Variants in PCBP3 observed in about 807,000 individuals in gnomAD.
PCBP3 encodes the protein poly(rC) binding protein 3, also known as poly(rC)-binding protein 3.
In PCBP3, 25 loss-of-function variants were observed where a neutral mutation model predicts 52.7. The observed-to-expected ratio is 0.47, with a 90% confidence interval of 0.35 to 0.66. The LOEUF (loss-of-function observed/expected upper bound fraction) is 0.66, where lower values mean the gene tolerates loss of function less well. PCBP3 is among the 30% of genes least tolerant of loss of function. PCBP3 has a pLI of 0.01. For synonymous variants in PCBP3, 162 were observed against 183.0 expected (o/e 0.89, Z 0.93); for missense variants, 391 against 490.3 (o/e 0.80, Z 1.91).
intron 5 of PCBP3, among the ~76,000 whole-genome samples, chr21:45,866,844 C>T (rs1432994367): frequency 6.6e-6 from 1 of 152,174 alleles, no homozygotes; most frequent in Non-Finnish European, 1.5e-5. Flanking sequence ...GCATGTGCAC[C>T]GTCACGGAGA....
chr21:45,783,178 G>A (rs1249556834), intron 4 of PCBP3, among the ~76,000 whole-genome samples: 2 of 152,160 alleles, frequency 1.3e-5, no homozygotes, highest in Admixed American at 6.5e-5. Flanking sequence ...TATGGTTTTG[G>A]TTTTAATTTG....
chr21:45,917,357 C>T lies in PCBP3; in HGVS notation c.676-231C>T, dbSNP rs552645785. On this transcript the variant is annotated intron_variant, in intron 12 of 17. Coordinates refer to ENST00000681687, the MANE Select transcript of PCBP3 (RefSeq NM_001384156.1). The surrounding 1 kb of genome is among the most constrained non-coding windows in gnomAD (Gnocchi z 5.3). Reference sequence around the variant, plus strand: ...AAGGCTGAACTGTTTCCCTCCCACCCGCTGAACTGGCCAGCTCAGCTCTGC... The same window carrying T: ...AAGGCTGAACTGTTTCCCTCCCACCTGCTGAACTGGCCAGCTCAGCTCTGC... The T allele has an allele frequency of 9.9e-5, 40 of 404,574 alleles. No individual in the cohort carries two copies. The highest frequency in any genetic ancestry group is 6.2e-4 in the African/African-American group (30 of 48,672). 25.1% of individuals were successfully genotyped at this position (404,574 alleles called of 1,614,324 possible). A position where few individuals can be genotyped will look rare whatever the true frequency, so the allele number is the denominator to read the frequency against.
chr21:45,708,108 C>T (rs1020899722), intron 2 of PCBP3, among the ~76,000 whole-genome samples: 3 of 152,204 alleles, frequency 2.0e-5, no homozygotes, highest in Admixed American at 6.5e-5. Context: ...GCATACCCTA[C>T]TTCCCTCCTT....
chr21:45,766,079 C>T (rs1187230041), intron 4 of PCBP3, among the ~76,000 whole-genome samples: 1 of 152,176 alleles, frequency 6.6e-6, no homozygotes, highest in Admixed American at 6.5e-5. Flanking sequence ...GTGGGACTGA[C>T]GTGGGTCCGT....
intron 4 of PCBP3, among the ~76,000 whole-genome samples, chr21:45,781,982 T>C (rs1471610893): frequency 1.3e-5 from 2 of 152,220 alleles, no homozygotes; most frequent in East Asian, 3.8e-4. Flanking sequence ...ATCATAACTC[T>C]CAAGATTCGT....
Position 45,645,110 on chromosome 21 carries a change from T to C in PCBP3, c.-279+1242T>C, listed in dbSNP as rs944259505. 2.0e-4 allele frequency among the ~76,000 whole-genome samples: 30 copies of C among 152,340 alleles called. No homozygotes were observed. In the East Asian group the frequency reaches 2.1e-3, roughly 11 times the overall value. ...ATTTGCAAGATCTGAAAGGACCTAATTGATCATCACACGACAGAAGCAGAA... is the reference window on the plus strand; with the variant it reads ...ATTTGCAAGATCTGAAAGGACCTAACTGATCATCACACGACAGAAGCAGAA... On this transcript the variant is annotated intron_variant, in intron 1 of 17. Coordinates refer to ENST00000681687, the MANE Select transcript of PCBP3 (RefSeq NM_001384156.1).
At chr21:45,756,106 C>G (rs543516230) in intron 4 of PCBP3, among the ~76,000 whole-genome samples, 1 of 152,256 alleles carries the variant, frequency 6.6e-6, no homozygotes, top group East Asian at 1.9e-4. Flanking sequence ...CATTTTGAGC[C>G]ACTTTAAGAA....
rs2096154977 is a variant in PCBP3 at position 45,904,723 on chromosome 21, C to T, written c.339+3610C>T. Among the ~76,000 whole-genome samples the T allele has an allele frequency of 6.6e-6, 1 of 152,190 alleles. No individual in the cohort carries two copies. The highest frequency in any genetic ancestry group is 1.5e-5 in the Non-Finnish European group (1 of 68,034). On this transcript the variant is annotated intron_variant, in intron 9 of 17. Transcript: ENST00000681687. The surrounding 1 kb of genome is among the most constrained non-coding windows in gnomAD (Gnocchi z 4.8). ...CACACACATAACAGCGAAAGTATTT[C>T]CAGTCCCAAGTGAACACTGGTTAAA...
At chr21:45,834,899 C>T (rs1569288323) in intron 4 of PCBP3, among the ~76,000 whole-genome samples, 3 of 152,208 alleles carry the variant, frequency 2.0e-5, no homozygotes, top group Admixed American at 6.5e-5. Context: ...GGGAGGCCTG[C>T]GGCAGCAGGA....
chr21:45,855,113 C>T (rs532910515), intron 5 of PCBP3, among the ~76,000 whole-genome samples: 1 of 152,168 alleles, frequency 6.6e-6, no homozygotes, highest in Admixed American at 6.5e-5. Context: ...GGCTCCACCA[C>T]GGAGGGAGGG....
chr21:45,668,580 G>A lies in PCBP3; in HGVS notation c.-278-294G>A, dbSNP rs1042978632. 5.3e-5 allele frequency among the ~76,000 whole-genome samples: 8 copies of A among 152,054 alleles called. No homozygotes were observed. The East Asian group carries it at 1.6e-3, about 29-fold the overall frequency. ...TAGAGCTGGGGTAGGGTTGGGGGTG[G>A]GGGGATGGGAATAGGGCAGGTTAAA... On this transcript the variant is annotated intron_variant, in intron 1 of 17. Coordinates refer to ENST00000681687, the MANE Select transcript of PCBP3 (RefSeq NM_001384156.1).
At chr21:45,658,324 G>A (rs1569084468) in intron 1 of PCBP3, among the ~76,000 whole-genome samples, 1 of 152,162 alleles carries the variant, frequency 6.6e-6, no homozygotes, top group African/African-American at 2.4e-5. Context: ...GATTTTTTGA[G>A]ATGGAGTCTC....
At chr21:45,864,585 C>A (rs1037069083) in intron 5 of PCBP3, among the ~76,000 whole-genome samples, 4 of 152,120 alleles carry the variant, frequency 2.6e-5, no homozygotes, top group Admixed American at 2.0e-4. Flanking sequence ...GTTGTGAGTA[C>A]AATAGAGAGG....
intron 2 of PCBP3, among the ~76,000 whole-genome samples, chr21:45,703,474 T>A (rs149009440): frequency 1.8e-4 from 28 of 152,352 alleles, no homozygotes; most frequent in African/African-American, 6.3e-4. Context: ...GGGTGCATTG[T>A]TCATGAGCAG....
At chr21:45,677,393 T>C (rs1175583728) in intron 2 of PCBP3, among the ~76,000 whole-genome samples, 2 of 152,176 alleles carry the variant, frequency 1.3e-5, no homozygotes, top group Non-Finnish European at 1.5e-5. Flanking sequence ...GAGGAAGATA[T>C]AGGAGAATTT....
intron 4 of PCBP3, among the ~76,000 whole-genome samples, chr21:45,794,907 C>T (rs1480284405): frequency 2.7e-5 from 4 of 148,792 alleles, no homozygotes; most frequent in East Asian, 2.0e-4. Context: ...CCAGCCCGGG[C>T]GACAGAGCCA....
chr21:45,666,776 G>T (rs2080825278), intron 1 of PCBP3, among the ~76,000 whole-genome samples: 1 of 151,260 alleles, frequency 6.6e-6, no homozygotes. Flanking sequence ...TCTCCAGACT[G>T]GTGTGTAATA....
intron 3 of PCBP3, chr21:45,752,987 A>G (rs1473900389): frequency 6.5e-6 from 1 of 152,742 alleles, no homozygotes; most frequent in South Asian, 2.1e-4. Context: ...AAAAAAAAAA[A>G]AAAATTAGCT....
chr21:45,738,137 T>A (rs184088783), intron 3 of PCBP3, among the ~76,000 whole-genome samples: 1 of 152,300 alleles, frequency 6.6e-6, no homozygotes, highest in Admixed American at 6.5e-5. Context: ...GTAGGGGCTG[T>A]TTTTCAGCTA....
Sources: gnomAD v4.1 joint callset for allele counts (sites outside exome capture counted in the v4.1 genomes callset) on GRCh38, gnomAD v4.1.1 for gene constraint, Gnocchi (gnomAD v3.1) non-coding constraint, MANE v1.5 for transcripts, NCBI Gene and HGNC (gene_info 2026-07-23, HGNC 2026-07-21) for gene names.